The following AMELY variants were observed in gnomAD, a reference collection of about 807,000 sequenced individuals.
AMELY encodes amelogenin, Y isoform.
A neutral mutation model predicts 4.2 loss-of-function variants in AMELY; 4 were observed. That is an observed-to-expected ratio of 0.96 (90% CI 0.47 to 2.19). The LOEUF is 2.19. Among genes scored for constraint, AMELY ranks in the 30% most tolerant of loss-of-function variants. The probability of loss-of-function intolerance (pLI) is 0.02; values close to 1 mark genes in which losing one functional copy is unlikely to be tolerated. For synonymous variants in AMELY, 11 were observed against 14.7 expected, an observed-to-expected ratio of 0.75 and a Z score of 0.57; for missense variants, 32 against 41.5, an observed-to-expected ratio of 0.77 and a Z score of 0.63.
intron 1 of AMELY, among the ~76,000 whole-genome samples, chrY:6,906,369 CACAT>C (rs2011663018): frequency 6.0e-5 from 2 of 33,441 alleles, no homozygotes; most frequent in Non-Finnish European, 1.5e-4. Context: ...GAGATGCACA[CACAT>C]ACATATATAC....
chrY:6,899,380 C>T (rs2054087760), intron 1 of AMELY, among the ~76,000 whole-genome samples: 1 of 33,066 alleles, frequency 3.0e-5, no homozygotes, highest in South Asian at 6.9e-4. Flanking sequence ...GAAGTAGAAC[C>T]GTGTGGCCAC....
intron 3 of AMELY, among the ~76,000 whole-genome samples, chrY:6,871,148 A>C (rs1027086087): frequency 6.1e-5 from 2 of 32,835 alleles, no homozygotes; most frequent in Non-Finnish European, 1.5e-4. Context: ...GCAGGATTTC[A>C]GGAAGGCAGA....
chrY:6,898,091 T>C, intron 1 of AMELY, among the ~76,000 whole-genome samples: 4 of 32,741 alleles, frequency 1.2e-4, no homozygotes, highest in Non-Finnish European at 3.0e-4. Context: ...AGCCATATTT[T>C]TCATTTTTTA....
intron 1 of AMELY, among the ~76,000 whole-genome samples, chrY:6,902,814 C>T: frequency 9.7e-5 from 3 of 31,067 alleles, no homozygotes; most frequent in Non-Finnish European, 2.3e-4. Flanking sequence ...CTCCTGGGTT[C>T]AAGTGATTCT....
chrY:6,909,525 A>G (rs2011676576), intron 1 of AMELY, among the ~76,000 whole-genome samples: 1 of 33,440 alleles, frequency 3.0e-5, no homozygotes, highest in Admixed American at 2.7e-4. Context: ...ATAAGACATA[A>G]TAAGACACAA....
chrY:6,877,357 T>G, intron 1 of AMELY, among the ~76,000 whole-genome samples: 1 of 32,802 alleles, frequency 3.0e-5, no homozygotes, highest in South Asian at 7.2e-4. Context: ...TCTAATATGT[T>G]ATCCAGGAGC....
At chrY:6,894,934 A>AAGAT (rs2054085351) in intron 1 of AMELY, among the ~76,000 whole-genome samples, 1 of 33,586 alleles carries the variant, frequency 3.0e-5, no homozygotes, top group Non-Finnish European at 7.3e-5. Context: ...GGAGTCATAA[A>AAGAT]AGATACTCTT....
intron 1 of AMELY, among the ~76,000 whole-genome samples, chrY:6,877,155 T>G: frequency 3.1e-5 from 1 of 32,767 alleles, no homozygotes; most frequent in Non-Finnish European, 7.5e-5. Flanking sequence ...ATGAAAAGTC[T>G]TAACTCCCCA....
At chrY:6,903,018 G>A in intron 1 of AMELY, among the ~76,000 whole-genome samples, 1 of 33,005 alleles carries the variant, frequency 3.0e-5, no homozygotes, top group Non-Finnish European at 7.4e-5. Flanking sequence ...GTCTGGCTGC[G>A]TGCCCAGATA....
intron 1 of AMELY, among the ~76,000 whole-genome samples, chrY:6,906,728 A>G: frequency 6.2e-5 from 2 of 32,005 alleles, no homozygotes; most frequent in Non-Finnish European, 1.5e-4. Context: ...TCTTTTGTAC[A>G]CTTCTAAAGT....
chrY:6,867,320 C>T (rs765939052), intron 6 of AMELY, among the ~76,000 whole-genome samples: 154 of 33,668 alleles, frequency 4.6e-3, no homozygotes, highest in Admixed American at 0.02. Context: ...TGATAGATCA[C>T]ATAATCTTAT....
At chrY:6,883,635 G>A in intron 1 of AMELY, among the ~76,000 whole-genome samples, 2 of 32,938 alleles carry the variant, frequency 6.1e-5, no homozygotes, top group Non-Finnish European at 1.5e-4. Flanking sequence ...ATTTTTATAA[G>A]GAGAAACACT....
At chrY:6,877,964 TTGTGTG>T (rs749471604) in intron 1 of AMELY, among the ~76,000 whole-genome samples, 1 of 28,727 alleles carries the variant, frequency 3.5e-5, no homozygotes, top group Non-Finnish European at 8.5e-5. Context: ...TCTCAAACAA[TTGTGTG>T]TGTGTGTGTG....
At chrY:6,866,396 C>G in intron 6 of AMELY, among the ~76,000 whole-genome samples, 1 of 33,070 alleles carries the variant, frequency 3.0e-5, no homozygotes, top group Admixed American at 2.9e-4. Flanking sequence ...CTCTAAGAAA[C>G]TATTATTTAT....
chrY:6,888,259 A>G (rs760024605), intron 1 of AMELY, among the ~76,000 whole-genome samples: 1 of 33,751 alleles, frequency 3.0e-5, no homozygotes, highest in South Asian at 6.6e-4. Flanking sequence ...CTAATGATCA[A>G]TGATGTTGAG....
At chrY:6,872,090 G>A in intron 3 of AMELY, among the ~76,000 whole-genome samples, 1 of 33,023 alleles carries the variant, frequency 3.0e-5, no homozygotes, top group African/African-American at 1.2e-4. Flanking sequence ...GGGTGCTTGT[G>A]AAAATAGAGT....
chrY:6,876,068 A>G (rs2054071698), intron 1 of AMELY, among the ~76,000 whole-genome samples: 1 of 33,172 alleles, frequency 3.0e-5, no homozygotes, highest in African/African-American at 1.2e-4. Flanking sequence ...GAGTTTGATG[A>G]CCAGTATCAC....
At chrY:6,909,096 A>C in intron 1 of AMELY, among the ~76,000 whole-genome samples, 1 of 33,542 alleles carries the variant, frequency 3.0e-5, no homozygotes, top group Non-Finnish European at 7.3e-5. Flanking sequence ...TCAGTTTGGA[A>C]TTTCCAAGCG....
intron 1 of AMELY, among the ~76,000 whole-genome samples, chrY:6,908,634 T>C: frequency 3.1e-5 from 1 of 32,261 alleles, no homozygotes; most frequent in Non-Finnish European, 7.5e-5. Context: ...CTGTGGAAAT[T>C]ATTGTGGCTC....
Sources: gnomAD v4.1 joint callset for allele counts (sites outside exome capture counted in the v4.1 genomes callset) on GRCh38, gnomAD v4.1.1 for gene constraint, MANE v1.5 for transcripts, NCBI Gene and HGNC (gene_info 2026-07-23, HGNC 2026-07-21) for gene names.